Variants in TTC6 observed in about 807,000 individuals in gnomAD.
The protein encoded by TTC6 is tetratricopeptide repeat protein 6.
TTC6 carries 172 observed loss-of-function variants against 210.4 expected under a neutral mutation model. The observed-to-expected ratio is 0.82, with a 90% CI of 0.72 to 0.93. The LOEUF (loss-of-function observed/expected upper bound fraction) is 0.93. Ranked by LOEUF, TTC6 falls within the 40% of genes least tolerant of loss-of-function variation. The pLI, the probability that TTC6 is intolerant of heterozygous loss-of-function variation, is 0.00. For missense variants in TTC6, 2,414 were observed against 2,318.1 expected (o/e 1.04, Z -0.85); for synonymous variants, 804 against 819.6 (o/e 0.98, Z 0.32).
At chr14:37,666,660 C>A (rs920559037) in intron 1 of TTC6, among the ~76,000 whole-genome samples, 2 of 150,126 alleles carry the variant, frequency 1.3e-5, no homozygotes, top group Non-Finnish European at 3.0e-5. Context: ...AGGAAAGATA[C>A]CCTCAAAACT....
At chr14:37,637,337 G>A (rs903810800) in intron 1 of TTC6, among the ~76,000 whole-genome samples, 15 of 152,260 alleles carry the variant, frequency 9.9e-5, no homozygotes, top group African/African-American at 3.4e-4. Context: ...AAATTTTTTT[G>A]TTCTACAAAA....
intron 1 of TTC6, among the ~76,000 whole-genome samples, chr14:37,656,540 TGC>T (rs1491014494): frequency 2.9e-4 from 41 of 140,748 alleles, no homozygotes; most frequent in African/African-American, 9.6e-4. Context: ...TGTGTGTGTG[TGC>T]GTGTGTGTGT....
At chr14:37,792,107 T>C (rs1223224559) in intron 16 of TTC6, among the ~76,000 whole-genome samples, 157 bp from the exon 19 acceptor site, 1 of 152,228 alleles carries the variant, frequency 6.6e-6, no homozygotes, top group Admixed American at 6.5e-5. Context: ...TAGTTTTTCA[T>C]AGAGAGCAGC....
chr14:37,682,611 A>C, intron 2 of TTC6, 147 bp from the exon 5 acceptor site: 1 of 695,384 alleles, frequency 1.4e-6, no homozygotes, highest in East Asian at 2.7e-5. Context: ...TCTCTTTCTA[A>C]ATCTTCAGAG....
intron 1 of TTC6, among the ~76,000 whole-genome samples, chr14:37,629,643 G>A (rs1271097437): frequency 6.6e-6 from 1 of 152,150 alleles, no homozygotes; most frequent in Admixed American, 6.5e-5. Flanking sequence ...CCAATACTAT[G>A]TTGAATAGGA....
intron 6 of TTC6, among the ~76,000 whole-genome samples, chr14:37,720,159 A>G (rs369073601): frequency 2.0e-5 from 3 of 152,210 alleles, no homozygotes; most frequent in Admixed American, 1.3e-4. Flanking sequence ...CAGAATGGTT[A>G]AAATAAAATA....
exon 13 of TTC6, chr14:37,751,215 A>T: frequency 2.0e-6 from 3 of 1,519,578 alleles, no homozygotes; most frequent in Non-Finnish European, 2.6e-6. Flanking sequence ...GCCATTGATG[A>T]CTTTTCGAAA....
chr14:37,798,859 A>G (rs1189743491), intron 20 of TTC6, among the ~76,000 whole-genome samples: 1 of 152,194 alleles, frequency 6.6e-6, no homozygotes, highest in Non-Finnish European at 1.5e-5. Context: ...GTAGCAGATT[A>G]TATGTCACAT....
intron 17 of TTC6, among the ~76,000 whole-genome samples, chr14:37,794,857 C>G (rs763406533): frequency 1.5e-4 from 23 of 151,698 alleles, no homozygotes; most frequent in Non-Finnish European, 3.2e-4. Flanking sequence ...CCAAAGCGCT[C>G]GAATTAGAGG....
intron 1 of TTC6, among the ~76,000 whole-genome samples, chr14:37,600,089 G>A (rs2095612770): frequency 6.6e-6 from 1 of 152,184 alleles, no homozygotes; most frequent in South Asian, 2.1e-4. Flanking sequence ...GGGAGGGACT[G>A]GCAATGCACG....
intron 17 of TTC6, 26 bp from the exon 20 acceptor site, chr14:37,795,244 C>A: frequency 6.1e-6 from 9 of 1,482,638 alleles, no homozygotes; most frequent in Non-Finnish European, 8.2e-6. Context: ...TTATTAGGAG[C>A]TAAATTTCTG....
intron 20 of TTC6, among the ~76,000 whole-genome samples, chr14:37,802,822 T>A (rs2096110021): frequency 1.3e-5 from 2 of 151,434 alleles, no homozygotes; most frequent in African/African-American, 4.9e-5. Flanking sequence ...AACCTCTGCC[T>A]CCTGGGTTCA....
chr14:37,695,495 C>G (rs964358669), intron 3 of TTC6, among the ~76,000 whole-genome samples: 2 of 152,060 alleles, frequency 1.3e-5, no homozygotes, highest in African/African-American at 4.8e-5. Flanking sequence ...GCTGGGATTA[C>G]AGGCATGCAC....
chr14:37,818,796 C>G lies in TTC6; in HGVS notation c.4763+1145C>G, dbSNP rs548016666. On this transcript the variant is annotated intron_variant, in intron 26 of 30. Coordinates refer to ENST00000553443, the Ensembl canonical transcript of TTC6. ...CCATTGTCTATTTTAATCCAGCAACCTTTGTACAATCTATCTCTTTAAGTA... is the reference window on the plus strand; with the variant it reads ...CCATTGTCTATTTTAATCCAGCAACGTTTGTACAATCTATCTCTTTAAGTA... 2.6e-5 allele frequency among the ~76,000 whole-genome samples: 4 copies of G among 152,202 alleles called. No individual in the cohort carries two copies. In the East Asian group the frequency reaches 5.8e-4, roughly 22 times the overall value.
chr14:37,613,041 A>T (rs2095637153), intron 2 of TTC6, among the ~76,000 whole-genome samples: 1 of 152,166 alleles, frequency 6.6e-6, no homozygotes, highest in Admixed American at 6.5e-5. Context: ...GAAAAGAGTG[A>T]GACATTTTTT....
intron 1 of TTC6, among the ~76,000 whole-genome samples, chr14:37,628,209 G>A (rs2095663655): frequency 6.6e-6 from 1 of 152,158 alleles, no homozygotes; most frequent in African/African-American, 2.4e-5. Context: ...CTGAACTCAG[G>A]TGATCCGCCC....
At chr14:37,678,956 T>C (rs775681127) in intron 1 of TTC6, among the ~76,000 whole-genome samples, 4 of 152,150 alleles carry the variant, frequency 2.6e-5, no homozygotes, top group South Asian at 4.1e-4. Context: ...CAGTGTCTCA[T>C]GCCTGTGTAA....
In TTC6 at chr14:37,792,252, A is replaced by G; in HGVS notation, c.3558-12A>G. 1 of 1,456,782 alleles carries G rather than the reference A, an allele frequency of 6.9e-7. No individual in the cohort carries two copies. Among genetic ancestry groups the G allele is most frequent in the Non-Finnish European group, 9.1e-7 (1 of 1,100,890 alleles). 90.2% of individuals were successfully genotyped at this position (1,456,782 alleles called of 1,614,324 possible). ...ATGTTTAACAAGATTTCACTTTCTC[A>G]TTTTTTTTTAGAACTATTACTTTGG... On this transcript the variant is annotated splice_polypyrimidine_tract_variant and intron_variant, in intron 16 of 30. Transcript: ENST00000553443.
At chr14:37,800,005 A>AT (rs1301130137) in intron 20 of TTC6, among the ~76,000 whole-genome samples, 1 of 152,096 alleles carries the variant, frequency 6.6e-6, no homozygotes, top group Non-Finnish European at 1.5e-5. Flanking sequence ...AGTTTGTGGC[A>AT]TTTTTTATTT....
Sources: allele counts gnomAD v4.1 joint callset (sites outside exome capture counted in the v4.1 genomes callset), GRCh38; gene constraint gnomAD v4.1.1; transcripts MANE v1.5; gene names NCBI Gene and HGNC (gene_info 2026-07-23, HGNC 2026-07-21).